SELP: variants seen among roughly 807,000 people sequenced by gnomAD.
SELP encodes the protein P-selectin.
In SELP, 92 loss-of-function variants were observed where a neutral mutation model predicts 104.1. That is an observed-to-expected ratio of 0.88 (90% confidence interval 0.75 to 1.05). The LOEUF (loss-of-function observed/expected upper bound fraction) is 1.05, where lower values mean the gene tolerates loss of function less well. Among genes scored for constraint, SELP ranks in the 50% least tolerant of loss-of-function variants. The probability of loss-of-function intolerance (pLI) is 0.00; values close to 1 mark genes in which losing one functional copy is unlikely to be tolerated. For missense variants in SELP, 1,022 were observed against 1,017.3 expected, an observed-to-expected ratio of 1.00 and a Z score of -0.06; for synonymous variants, 397 against 364.5, an observed-to-expected ratio of 1.09 and a Z score of -1.01.
intron 14 of SELP, among the ~76,000 whole-genome samples, chr1:169,591,901 G>C (rs1005569108): frequency 1.3e-5 from 2 of 152,104 alleles, no homozygotes; most frequent in Non-Finnish European, 2.9e-5. Flanking sequence ...TTTGGCCATA[G>C]AAAACTTCAA....
At position 169,613,052 on chromosome 1, in the gene SELP, C is replaced by A; in HGVS notation, c.652G>T (p.Gly218Ter). Residue 218 changes from glycine (G) to a stop codon, truncating the protein, a stop_gained, in exon 5 of 17, where the codon GGA (glycine) becomes TGA (stop). Transcript: ENST00000263686. LOFTEE classifies it high-confidence loss of function. Reference sequence around the variant, plus strand: ...CACTGCGAGTTAAAAGAGAAGTTTCCCAGAGGGTGGCTGCAGTTCATGAGC... The same window carrying A: ...CACTGCGAGTTAAAAGAGAAGTTTCACAGAGGGTGGCTGCAGTTCATGAGC... Reference protein sequence around the residue: ...HVLMNCSHPLGNFSFNSQCSF... With the variant: ...HVLMNCSHPL The A allele has an allele frequency of 6.2e-7, 1 of 1,613,774 alleles. No homozygotes were observed. The highest frequency in any genetic ancestry group is 8.5e-7 in the Non-Finnish European group (1 of 1,179,780).
chr1:169,621,313 A>G (rs1401616644), intron 1 of SELP, among the ~76,000 whole-genome samples: 2 of 114,538 alleles, frequency 1.7e-5, no homozygotes, highest in African/African-American at 6.9e-5. Flanking sequence ...GTGTGTGTTC[A>G]TGTATCATGT....
intron 1 of SELP, 103 bp from the exon 2 acceptor site, chr1:169,619,322 A>C: frequency 1.2e-6 from 1 of 838,528 alleles, no homozygotes; most frequent in Non-Finnish European, 1.9e-6. Context: ...AATTGTGCCA[A>C]TTTCCACTGG....
At chr1:169,605,146 G>T (rs1243272517) in intron 9 of SELP, among the ~76,000 whole-genome samples, 1 of 152,208 alleles carries the variant, frequency 6.6e-6, no homozygotes, top group Non-Finnish European at 1.5e-5. Flanking sequence ...GCACCACCCA[G>T]GCTTGCCTGT....
chr1:169,608,947 T>C (rs1452707762), intron 8 of SELP, among the ~76,000 whole-genome samples: 1 of 152,154 alleles, frequency 6.6e-6, no homozygotes, highest in Non-Finnish European at 1.5e-5. Context: ...TGAAAGAGGA[T>C]CATTTTGTCA....
rs1388045037 is a variant in SELP, at chr1:169,603,164, A to G, written c.1567T>C (p.Cys523Arg). ...CTGGAACTTCCAAGAGGTTGAACAC[A>G]GGTCATTGTTCCATTCTGAGGGCTT... ...LLSPQNGTMT[C>R]VQPLGSSSYK... Residue 523 changes from cysteine to arginine, a missense_variant, in exon 10 of 17, where the codon TGT becomes CGT. Physicochemically the swap from Cys to Arg is radical, Grantham distance 180. Transcript: ENST00000263686. 1.2e-6 allele frequency: 2 copies of G among 1,614,072 alleles called. No homozygotes were observed. Among genetic ancestry groups the G allele is most frequent in the Non-Finnish European group, 1.7e-6 (2 of 1,179,954 alleles).
rs575454231 is a variant in SELP, at chr1:169,621,367, G to C, written c.4-2148C>G. 1.6e-3 allele frequency among the ~76,000 whole-genome samples: 238 copies of C among 145,498 alleles called. 6 individuals are homozygous for C. Among genetic ancestry groups the C allele is most frequent in the Non-Finnish European group, 3.6e-4 (24 of 66,686 alleles). On this transcript the variant is annotated intron_variant, in intron 1 of 16. Transcript: ENST00000263686. ...AGGGTGCATGGGACAGTGTGGGATT[G>C]TGTGTATGTGTGTGTCACACCCAGT...
chr1:169,628,148 G>A (rs1395979428), intron 1 of SELP, among the ~76,000 whole-genome samples: 1 of 152,126 alleles, frequency 6.6e-6, no homozygotes, highest in African/African-American at 2.4e-5. Flanking sequence ...TATGCGCCTC[G>A]GCCTCCCAAA....
At chr1:169,595,275 T>C (rs574665182) in intron 12 of SELP, among the ~76,000 whole-genome samples, 1 of 152,344 alleles carries the variant, frequency 6.6e-6, no homozygotes, top group African/African-American at 2.4e-5. Flanking sequence ...GTTCAGCATA[T>C]CTGGACACTG....
At chr1:169,628,645 C>T (rs1663491791) in intron 1 of SELP, among the ~76,000 whole-genome samples, 1 of 152,164 alleles carries the variant, frequency 6.6e-6, no homozygotes, top group Non-Finnish European at 1.5e-5. Context: ...GATGTTTTTG[C>T]TTTCATCTGG....
chr1:169,613,681 T>A lies in SELP; in HGVS notation c.494A>T (p.Asp165Val), dbSNP rs1474278829. Residue 165 changes from aspartate to valine, a missense_variant, in exon 4 of 17, where the codon GAC (aspartate) becomes GTC (valine). By Grantham distance (152) the Asp-to-Val change is radical. Coordinates refer to ENST00000263686, the MANE Select transcript of SELP (RefSeq NM_003005.4). ...CTCTCCTTGTTTGCTGCAGGACATG[T>A]CCTGGCAGGAGGCTGCATAGATATG... ...HALCYTASCQ[D>V]MSCSKQGECL... 1 of 1,613,780 alleles carries A rather than the reference T, an allele frequency of 6.2e-7. No individual in the cohort carries two copies. Among genetic ancestry groups the A allele is most frequent in the South Asian group, 1.1e-5 (1 of 91,068 alleles).
intron 1 of SELP, among the ~76,000 whole-genome samples, chr1:169,627,912 T>G (rs1415729926): frequency 6.6e-6 from 1 of 152,176 alleles, no homozygotes; most frequent in Non-Finnish European, 1.5e-5. Flanking sequence ...TTGTTTTGTT[T>G]TTGAGACAAG....
At position 169,613,463 on chromosome 1, in the gene SELP, A is replaced by G. The variant is rs145137320; in HGVS notation, c.589+123T>C. 2.3e-3 allele frequency: 1,676 copies of G among 730,442 alleles called. 4 individuals are homozygous for G. The highest frequency in any genetic ancestry group is 1.0e-2 in the Middle Eastern group (30 of 3,002). 45.2% of individuals were successfully genotyped at this position (730,442 alleles called of 1,614,324 possible). A position where few individuals can be genotyped will look rare whatever the true frequency, so the allele number is the denominator to read the frequency against. ...TCTAGGGACACTGAGTGGAGGAGAC[A>G]GATGATAGAGGGGGGCTGGTACCAT... On this transcript the variant is annotated intron_variant, in intron 4 of 16. Coordinates refer to ENST00000263686, the MANE Select transcript of SELP (RefSeq NM_003005.4).
intron 1 of SELP, among the ~76,000 whole-genome samples, chr1:169,620,686 GC>G (rs1367639282): frequency 6.6e-6 from 1 of 151,880 alleles, no homozygotes; most frequent in Non-Finnish European, 1.5e-5. Context: ...CGTGTGTCAT[GC>G]CCCAGTGATG....
intron 1 of SELP, among the ~76,000 whole-genome samples, chr1:169,625,275 C>T (rs1663321301): frequency 6.6e-6 from 1 of 152,190 alleles, no homozygotes; most frequent in Admixed American, 6.6e-5. Flanking sequence ...TTCTGTTGTT[C>T]TTCTGCTCTA....
chr1:169,601,656 G>T (rs1369960638), intron 10 of SELP, among the ~76,000 whole-genome samples: 1 of 152,140 alleles, frequency 6.6e-6, no homozygotes, highest in African/African-American at 2.4e-5. Context: ...TCTGCCACTG[G>T]GTGATAGTGT....
intron 6 of SELP, 55 bp downstream of exon 6, chr1:169,612,162 C>G: frequency 6.4e-7 from 1 of 1,558,310 alleles, no homozygotes; most frequent in South Asian, 1.1e-5. Context: ...CATCTATGCA[C>G]TAAGTAAGGA....
chr1:169,627,264 G>A (rs1169538298), intron 1 of SELP, among the ~76,000 whole-genome samples: 4 of 152,192 alleles, frequency 2.6e-5, no homozygotes, highest in African/African-American at 9.7e-5. Context: ...TGGTAGCCCA[G>A]CTTAGGGGTG....
chr1:169,616,979 AG>A, intron 3 of SELP, 48 bp downstream of exon 3: 1 of 1,484,286 alleles, frequency 6.7e-7, no homozygotes, highest in Non-Finnish European at 9.0e-7. Context: ...CAGAGAAGGC[AG>A]GGTTTTTTTT....
Sources: allele counts gnomAD v4.1 joint callset (sites outside exome capture counted in the v4.1 genomes callset), GRCh38; gene constraint gnomAD v4.1.1; transcripts MANE v1.5; gene names NCBI Gene and HGNC (gene_info 2026-07-23, HGNC 2026-07-21).